The following HDAC4 variants were observed in gnomAD, a reference collection of about 807,000 sequenced individuals.
HDAC4 encodes histone deacetylase A.
HDAC4 carries 16 observed loss-of-function variants against 135.1 expected under a neutral mutation model. The ratio of observed to expected loss-of-function variants is 0.12; its 90% confidence interval spans 0.08 to 0.18. The LOEUF (loss-of-function observed/expected upper bound fraction) is 0.18. Ranked by LOEUF, HDAC4 falls within the 10% of genes least tolerant of loss-of-function variation. The pLI, the probability that HDAC4 is intolerant of heterozygous loss-of-function variation, is 1.00. For missense variants in HDAC4, 1,143 were observed against 1,511.8 expected (o/e 0.76, Z 4.05); for synonymous variants, 685 against 653.4 (o/e 1.05, Z -0.74).
intron 2 of HDAC4, among the ~76,000 whole-genome samples, chr2:239,254,549 T>C (rs959193990): frequency 6.6e-6 from 1 of 152,112 alleles, no homozygotes; most frequent in Non-Finnish European, 1.5e-5. Flanking sequence ...TAGATCTAGT[T>C]AAAGATAAAA....
At chr2:239,150,852 G>A (rs2152933251) in intron 7 of HDAC4, among the ~76,000 whole-genome samples, 1 of 147,854 alleles carries the variant, frequency 6.8e-6, no homozygotes, top group South Asian at 2.2e-4. Flanking sequence ...ACAGCAGCAG[G>A]AAGTCTCACC....
rs1465366057 is a variant in HDAC4, at chr2:239,090,062, C to T, written c.2335G>A (p.Ala779Thr). ...EVHSAGAARL[A>T]VGCVVELVFK... ...ACCAGCTCTACCACGCAGCCCACAGCCAGGCGGGCTGCCCCCGCCGAGTGC... is the reference window on the plus strand; with the variant it reads ...ACCAGCTCTACCACGCAGCCCACAGTCAGGCGGGCTGCCCCCGCCGAGTGC... Residue 779 changes from alanine to threonine, a missense_variant, in exon 18 of 27, where the codon GCT (alanine) becomes ACT (threonine). Ala to Thr is a moderately conservative substitution (Grantham distance 58). Coordinates refer to ENST00000543185, the MANE Select transcript of HDAC4 (RefSeq NM_001378414.1). 6.2e-7 allele frequency: 1 copy of T among 1,613,850 alleles called. No homozygotes were observed. Among genetic ancestry groups the T allele is most frequent in the Non-Finnish European group, 8.5e-7 (1 of 1,179,976 alleles).
intron 16 of HDAC4, among the ~76,000 whole-genome samples, chr2:239,098,070 AACC>A (rs2037277833): frequency 6.6e-6 from 1 of 152,382 alleles, no homozygotes; most frequent in African/African-American, 2.4e-5. Flanking sequence ...TCTACATTAA[AACC>A]ACAAGTCATC....
intron 1 of HDAC4, among the ~76,000 whole-genome samples, chr2:239,358,227 T>C (rs1444345113): frequency 6.6e-6 from 1 of 152,188 alleles, no homozygotes; most frequent in Non-Finnish European, 1.5e-5. Context: ...CACTGCTCCA[T>C]CTTCCCAGTG....
At chr2:239,114,252 C>T (rs948130876) in intron 13 of HDAC4, among the ~76,000 whole-genome samples, 6 of 152,160 alleles carry the variant, frequency 3.9e-5, no homozygotes, top group African/African-American at 1.4e-4. Flanking sequence ...AACGGCACGG[C>T]CGGCATGGAG....
chr2:239,376,854 T>C (rs1490007110), intron 1 of HDAC4, among the ~76,000 whole-genome samples: 2 of 151,830 alleles, frequency 1.3e-5, no homozygotes, highest in Non-Finnish European at 2.9e-5. Context: ...CAGCACAAAA[T>C]GTTTCTGACA....
intron 11 of HDAC4, among the ~76,000 whole-genome samples, chr2:239,132,166 G>A (rs901128540): frequency 6.6e-6 from 1 of 152,192 alleles, no homozygotes; most frequent in Non-Finnish European, 1.5e-5. Context: ...ACCTGCAGGG[G>A]CACATGAGTG....
intron 2 of HDAC4, among the ~76,000 whole-genome samples, chr2:239,282,856 C>T (rs1319138074): frequency 2.7e-5 from 4 of 150,086 alleles, no homozygotes; most frequent in Admixed American, 6.6e-5. Flanking sequence ...TACCACTCTA[C>T]AATGTACACA....
chr2:239,282,492 GAACA>G (rs2050844146), intron 2 of HDAC4, among the ~76,000 whole-genome samples: 1 of 137,940 alleles, frequency 7.2e-6, no homozygotes, highest in Non-Finnish European at 1.5e-5. Context: ...TACACACAAT[GAACA>G]TACCACTCTA....
chr2:239,107,730 G>A (rs763542857), intron 15 of HDAC4, among the ~76,000 whole-genome samples: 8 of 152,232 alleles, frequency 5.3e-5, no homozygotes, highest in Non-Finnish European at 8.8e-5. Context: ...GAAGTGACCC[G>A]GAGGCAGAAA....
intron 22 of HDAC4, among the ~76,000 whole-genome samples, chr2:239,077,739 C>T (rs2034910477): frequency 1.3e-5 from 2 of 152,174 alleles, no homozygotes; most frequent in African/African-American, 2.4e-5. Context: ...TGCCACTCAG[C>T]AATGGTGAAA....
chr2:239,271,168 C>T (rs2125236104), intron 2 of HDAC4, among the ~76,000 whole-genome samples: 1 of 152,248 alleles, frequency 6.6e-6, no homozygotes, highest in Non-Finnish European at 1.5e-5. Flanking sequence ...GGCTGGAATG[C>T]AGTGGTGTGA....
chr2:239,345,265 C>A (rs966957296), intron 2 of HDAC4, among the ~76,000 whole-genome samples: 1 of 152,132 alleles, frequency 6.6e-6, no homozygotes, highest in African/African-American at 2.4e-5. Flanking sequence ...TTGTAGTACT[C>A]CTGGCCGGAT....
chr2:239,306,193 C>T lies in HDAC4; in HGVS notation c.22+46485G>A, dbSNP rs542192166. The stretch of plus-strand genomic sequence containing the variant: ...CAGCTCTTCCCTGGGAAGTCATTTT[C>T]CTGAATAGATCTGACTTCCACTTAT... On this transcript the variant is annotated intron_variant, in intron 2 of 26. Transcript: ENST00000543185. The surrounding 1 kb of genome is among the most constrained non-coding windows in gnomAD (Gnocchi z 4.5). Among the ~76,000 whole-genome samples, 249 of 152,310 alleles carry T rather than the reference C, an allele frequency of 1.6e-3. 1 individual carries two copies. Among genetic ancestry groups the T allele is most frequent in the African/African-American group, 5.9e-3 (245 of 41,554 alleles).
Position 239,111,633 on chromosome 2 carries a change from ACGGGGATGC to A in HDAC4, c.1862_1870del (p.Gly621_Pro623del). ...CAGAGGCCTGTGGCCGCCGAAGGAC[ACGGGGATGC>A]CGGCGGCCTCCATGGACGCCTGGTA... On this transcript the variant is annotated inframe_deletion, in exon 14 of 27. Coordinates refer to ENST00000543185, the MANE Select transcript of HDAC4 (RefSeq NM_001378414.1). 1.2e-6 allele frequency: 2 copies of A among 1,609,608 alleles called. No homozygotes were observed. Among genetic ancestry groups the A allele is most frequent in the Non-Finnish European group, 1.7e-6 (2 of 1,178,660 alleles).
At chr2:239,066,995 A>G in intron 23 of HDAC4, 140 bp from the exon 24 acceptor site, 1 of 988,906 alleles carries the variant, frequency 1.0e-6, no homozygotes, top group Non-Finnish European at 1.5e-6. Flanking sequence ...TTCGTTTAAT[A>G]AATTCGCTGA....
intron 2 of HDAC4, among the ~76,000 whole-genome samples, chr2:239,242,616 C>CCT (rs1451495188): frequency 6.6e-6 from 1 of 152,208 alleles, no homozygotes. Context: ...ACCTTCCAGA[C>CCT]CTCACACCTT....
At chr2:239,381,711 G>A (rs899206818) in intron 1 of HDAC4, among the ~76,000 whole-genome samples, 2 of 152,180 alleles carry the variant, frequency 1.3e-5, no homozygotes, top group African/African-American at 4.8e-5. Context: ...ATTTGCGACG[G>A]ACAATTCATT....
At chr2:239,082,012 C>T (rs1045272804) in intron 21 of HDAC4, 90 bp downstream of exon 21, 83 of 1,425,068 alleles carry the variant, frequency 5.8e-5, no homozygotes, top group Admixed American at 2.6e-4. Context: ...TCACTGCTGC[C>T]GGGCAGCTGT....
Sources: allele counts gnomAD v4.1 joint callset (sites outside exome capture counted in the v4.1 genomes callset), GRCh38; gene constraint gnomAD v4.1.1; non-coding constraint Gnocchi (gnomAD v3.1); transcripts MANE v1.5; gene names NCBI Gene and HGNC (gene_info 2026-07-23, HGNC 2026-07-21).